Variants in TMEM117 observed in about 807,000 individuals in gnomAD.
The protein encoded by TMEM117 is transmembrane protein 117.
In TMEM117, 27 loss-of-function variants were observed where a neutral mutation model predicts 52.4. The ratio of observed to expected loss-of-function variants is 0.51; its 90% confidence interval spans 0.38 to 0.71. TMEM117 has a LOEUF of 0.71. TMEM117 is among the 30% of genes least tolerant of loss of function. The probability of loss-of-function intolerance (pLI) is 0.00; values close to 1 mark genes in which losing one functional copy is unlikely to be tolerated. For synonymous variants in TMEM117, 215 were observed against 206.3 expected (o/e 1.04, Z -0.36); for missense variants, 556 against 630.5 (o/e 0.88, Z 1.26).
chr12:43,958,198 A>C (rs1210259669), intron 3 of TMEM117, among the ~76,000 whole-genome samples: 1 of 152,216 alleles, frequency 6.6e-6, no homozygotes, highest in Non-Finnish European at 1.5e-5. Context: ...TTGCATATGC[A>C]TCTATATGTT....
At chr12:43,844,997 T>G (rs1353926040) in intron 2 of TMEM117, 69 bp downstream of exon 2, 5 of 1,530,712 alleles carry the variant, frequency 3.3e-6, no homozygotes, top group Non-Finnish European at 4.4e-6. Context: ...GATACAACTT[T>G]GCTATTTCTA....
rs571096371 is a variant in TMEM117 at position 44,057,463 on chromosome 12, A to G, written c.411-86062A>G. Among the ~76,000 whole-genome samples, 4 of 152,258 alleles carry G rather than the reference A, an allele frequency of 2.6e-5. No individual in the cohort carries two copies. The South Asian group carries it at 8.3e-4, about 32-fold the overall frequency. ...GTGAATACCCAAAAACCGCAAGCAC[A>G]TACCATTTCTGTCTCTGAAAGGGAG... is the stretch of plus-strand genomic sequence containing the variant. On this transcript the variant is annotated intron_variant, in intron 3 of 7. Coordinates refer to ENST00000266534, the MANE Select transcript of TMEM117 (RefSeq NM_032256.3).
At chr12:44,173,900 A>C (rs951607499) in intron 4 of TMEM117, among the ~76,000 whole-genome samples, 2 of 152,046 alleles carry the variant, frequency 1.3e-5, no homozygotes, top group Non-Finnish European at 2.9e-5. Flanking sequence ...ATTTTCCCCT[A>C]ATTATTAAAA....
chr12:43,798,568 A>G, the TMEM117 span: 2 of 1,527,638 alleles, frequency 1.3e-6, no homozygotes, highest in Non-Finnish European at 1.7e-6. Context: ...TGCATACCCC[A>G]ATATGATCCT....
At chr12:44,180,328 C>T (rs187924849) in intron 4 of TMEM117, among the ~76,000 whole-genome samples, 24 of 151,050 alleles carry the variant, frequency 1.6e-4, no homozygotes, top group East Asian at 1.2e-3. Context: ...TTGTAAACAA[C>T]GATGTAAAAG....
chr12:44,298,440 C>T (rs374687086), intron 5 of TMEM117, among the ~76,000 whole-genome samples: 3 of 143,788 alleles, frequency 2.1e-5, no homozygotes, highest in Admixed American at 6.9e-5. Flanking sequence ...TCTTATAATT[C>T]TAAACAATAT....
chr12:44,149,072 G>A (rs778469611), intron 4 of TMEM117, among the ~76,000 whole-genome samples: 16 of 152,202 alleles, frequency 1.1e-4, no homozygotes, highest in Non-Finnish European at 2.4e-4. Context: ...TGGAAGTGAT[G>A]AATTGCCAGT....
chr12:44,321,349 G>A (rs974439979), intron 6 of TMEM117, among the ~76,000 whole-genome samples: 2 of 152,054 alleles, frequency 1.3e-5, no homozygotes, highest in East Asian at 1.9e-4. Flanking sequence ...TCCTCTATGC[G>A]TGCCATTGGC....
At chr12:44,286,036 G>C (rs1369216839) in intron 5 of TMEM117, among the ~76,000 whole-genome samples, 1 of 151,996 alleles carries the variant, frequency 6.6e-6, no homozygotes, top group African/African-American at 2.4e-5. Flanking sequence ...GTAAATTTAA[G>C]TTTGCTATCC....
intron 6 of TMEM117, among the ~76,000 whole-genome samples, chr12:44,308,832 G>A (rs1338724505): frequency 6.6e-6 from 1 of 152,052 alleles, no homozygotes; most frequent in Non-Finnish European, 1.5e-5. Context: ...TGTTAGTCAG[G>A]ATGGTCTCGA....
chr12:43,819,470 T>G, the TMEM117 span, among the ~76,000 whole-genome samples: 1 of 152,086 alleles, frequency 6.6e-6, no homozygotes, highest in Admixed American at 6.6e-5. Context: ...TACCCATGAC[T>G]GGGTGGTTAA....
In TMEM117 at chr12:44,388,317, T is replaced by G. The variant is rs762399414; in HGVS notation, c.1190T>G (p.Phe397Cys). The change falls in exon 8 of 8, where the codon TTT becomes TGT. Residue 397 changes from phenylalanine (F) to cysteine (C), a missense_variant. Phe to Cys is a radical substitution (Grantham distance 205, BLOSUM62 -2). Coordinates refer to ENST00000266534, the MANE Select transcript of TMEM117 (RefSeq NM_032256.3). ...GASLDVKCLA[F>C]VPSLIAFVWF... ...AGTCTTGATGTCAAGTGTCTGGCCT[T>G]TGTTCCAAGCCTGATAGCCTTTGTG... is the stretch of plus-strand genomic sequence containing the variant. 6.2e-7 allele frequency: 1 copy of G among 1,613,626 alleles called. No individual in the cohort carries two copies. Among genetic ancestry groups the G allele is most frequent in the Non-Finnish European group, 8.5e-7 (1 of 1,179,680 alleles).
At chr12:43,854,261 C>T (rs1318366004) in intron 2 of TMEM117, among the ~76,000 whole-genome samples, 1 of 151,878 alleles carries the variant, frequency 6.6e-6, no homozygotes, top group Non-Finnish European at 1.5e-5. Flanking sequence ...GGGCTGCCTG[C>T]AATAATTCTG....
At chr12:44,156,528 T>A (rs886866727) in intron 4 of TMEM117, among the ~76,000 whole-genome samples, 4 of 152,072 alleles carry the variant, frequency 2.6e-5, no homozygotes, top group Non-Finnish European at 5.9e-5. Flanking sequence ...TTAACTTGTC[T>A]GCATGTAGTC....
At chr12:43,844,562 TAAA>T (rs1296238516) in intron 1 of TMEM117, 59 bp from the exon 2 acceptor site, 1 of 1,414,980 alleles carries the variant, frequency 7.1e-7, no homozygotes, top group Admixed American at 2.2e-5. Flanking sequence ...CCTGAACTGA[TAAA>T]AAGAAGAAAG....
At chr12:43,946,181 T>C (rs1945128385) in intron 3 of TMEM117, among the ~76,000 whole-genome samples, 1 of 152,166 alleles carries the variant, frequency 6.6e-6, no homozygotes, top group Non-Finnish European at 1.5e-5. Context: ...CCTGTAATAC[T>C]AGAATGGGTA....
chr12:43,893,168 G>A (rs541420116), intron 2 of TMEM117, among the ~76,000 whole-genome samples: 1 of 152,318 alleles, frequency 6.6e-6, no homozygotes, highest in South Asian at 2.1e-4. Context: ...TAAGTATAAT[G>A]TAAAATTCTC....
intron 6 of TMEM117, among the ~76,000 whole-genome samples, chr12:44,337,962 A>C (rs1951364023): frequency 6.6e-6 from 1 of 152,126 alleles, no homozygotes; most frequent in African/African-American, 2.4e-5. Flanking sequence ...GGAAATGCTG[A>C]CTGAATGTTT....
At chr12:44,232,615 A>G (rs565620689) in intron 5 of TMEM117, among the ~76,000 whole-genome samples, 1 of 151,618 alleles carries the variant, frequency 6.6e-6, no homozygotes, top group South Asian at 2.1e-4. Context: ...TTTATGAATC[A>G]GCATGTCAAT....
Sources: gnomAD v4.1 joint callset for allele counts (sites outside exome capture counted in the v4.1 genomes callset) on GRCh38, gnomAD v4.1.1 for gene constraint, MANE v1.5 for transcripts, NCBI Gene and HGNC (gene_info 2026-07-23, HGNC 2026-07-21) for gene names.